Variants in WWOX observed in about 807,000 individuals in gnomAD.
WWOX encodes the protein WW domain-containing oxidoreductase.
In WWOX, 69 loss-of-function variants were observed where a neutral mutation model predicts 46.2. That is an observed-to-expected ratio of 1.49 (90% CI 1.23 to 1.82). The LOEUF (loss-of-function observed/expected upper bound fraction) is 1.82. Ranked by LOEUF, WWOX falls within the 40% of genes most tolerant of loss-of-function variation. WWOX has a pLI of 0.00. For missense variants in WWOX, 919 were observed against 542.6 expected (o/e 1.69, Z -6.89); for synonymous variants, 359 against 202.6 (o/e 1.77, Z -6.56).
chr16:79,046,586 G>C (rs1340070011), intron 8 of WWOX, among the ~76,000 whole-genome samples: 4 of 152,060 alleles, frequency 2.6e-5, no homozygotes, highest in Admixed American at 2.0e-4. Context: ...ACCGGGGAGT[G>C]TTTCTCCCAG....
intron 8 of WWOX, among the ~76,000 whole-genome samples, chr16:79,021,207 T>C (rs2047526080): frequency 6.6e-6 from 1 of 152,298 alleles, no homozygotes; most frequent in African/African-American, 2.4e-5. Context: ...CTACATGCAG[T>C]AAAATAGTTT....
At chr16:78,248,036 GGCATGA>G (rs1274955477) in intron 5 of WWOX, among the ~76,000 whole-genome samples, 3 of 152,160 alleles carry the variant, frequency 2.0e-5, no homozygotes, top group Non-Finnish European at 1.5e-5. Flanking sequence ...ATGGAGTGTT[GGCATGA>G]GCTGGGCAGA....
At chr16:79,095,324 C>T (rs540086078) in intron 8 of WWOX, among the ~76,000 whole-genome samples, 1 of 152,308 alleles carries the variant, frequency 6.6e-6, no homozygotes, top group Non-Finnish European at 1.5e-5. Context: ...AAACTGCTTT[C>T]AGGCATTTCC....
intron 8 of WWOX, among the ~76,000 whole-genome samples, chr16:78,815,943 C>T (rs563904978): frequency 4.3e-4 from 66 of 152,312 alleles, no homozygotes; most frequent in African/African-American, 1.5e-3. Context: ...CCTGCTCTCT[C>T]TCGATGTTCC....
chr16:78,361,671 G>T (rs2081412655), intron 5 of WWOX, among the ~76,000 whole-genome samples: 1 of 152,112 alleles, frequency 6.6e-6, no homozygotes, highest in African/African-American at 2.4e-5. Context: ...GAGTGTAATG[G>T]TGCGATATCG....
At chr16:78,985,715 GC>G (rs1353076943) in intron 8 of WWOX, among the ~76,000 whole-genome samples, 1 of 152,214 alleles carries the variant, frequency 6.6e-6, no homozygotes, top group African/African-American at 2.4e-5. Context: ...GTTGCAGTGA[GC>G]CAAGGTCGTG....
At chr16:78,798,092 A>G (rs2050791258) in intron 8 of WWOX, among the ~76,000 whole-genome samples, 3 of 152,196 alleles carry the variant, frequency 2.0e-5, no homozygotes, top group Admixed American at 1.3e-4. Context: ...TGAGGTTCAG[A>G]GAGATGGGGT....
chr16:78,691,032 C>G (rs546493978), intron 8 of WWOX, among the ~76,000 whole-genome samples: 2 of 152,102 alleles, frequency 1.3e-5, no homozygotes, highest in Non-Finnish European at 2.9e-5. Context: ...CAGACATACT[C>G]GATACATCTT....
chr16:78,966,704 T>G (rs1019354018), intron 8 of WWOX, among the ~76,000 whole-genome samples: 4 of 152,300 alleles, frequency 2.6e-5, no homozygotes, highest in African/African-American at 7.2e-5. Flanking sequence ...TGCACACTGT[T>G]TAAAGGAGCT....
At chr16:78,511,303 AC>A (rs1597190213) in intron 8 of WWOX, among the ~76,000 whole-genome samples, 2 of 152,322 alleles carry the variant, frequency 1.3e-5, no homozygotes. Context: ...AGCGGAGTTC[AC>A]AGGGATGCCT....
chr16:78,351,030 G>GATTT (rs2081173847), intron 5 of WWOX, among the ~76,000 whole-genome samples: 1 of 152,160 alleles, frequency 6.6e-6, no homozygotes, highest in Non-Finnish European at 1.5e-5. Context: ...ATTTTGATTT[G>GATTT]GATTTTCTTG....
intron 8 of WWOX, among the ~76,000 whole-genome samples, chr16:79,148,214 A>G (rs1488200661): frequency 6.6e-6 from 1 of 152,096 alleles, no homozygotes; most frequent in East Asian, 1.9e-4. Flanking sequence ...TGCATTTTGC[A>G]TGTATGCCCA....
intron 8 of WWOX, chr16:78,896,873 C>G (rs572619985): frequency 6.6e-6 from 1 of 151,884 alleles, no homozygotes; most frequent in Non-Finnish European, 1.5e-5. Context: ...ATACAGTTCT[C>G]TGGATTTTGA....
chr16:79,160,958 T>C (rs150381994), intron 8 of WWOX, among the ~76,000 whole-genome samples: 194 of 152,336 alleles, frequency 1.3e-3, no homozygotes, highest in African/African-American at 4.5e-3. Flanking sequence ...ATGCTATATA[T>C]AATGTAGCAC....
chr16:78,772,889 G>C lies in WWOX; in HGVS notation c.1056+340137G>C, dbSNP rs534718326. 1.2e-3 allele frequency among the ~76,000 whole-genome samples: 182 copies of C among 152,254 alleles called. 1 individual carries two copies. Among genetic ancestry groups the C allele is most frequent in the South Asian group, 2.5e-3 (12 of 4,826 alleles). On this transcript the variant is annotated intron_variant, in intron 8 of 8. Coordinates refer to ENST00000566780, the MANE Select transcript of WWOX (RefSeq NM_016373.4). Reference sequence around the variant, plus strand: ...AAAATCAAAAAAATAATGGGGTGCAGTGGTACATGGCTGTAGTCCCAATTA... The same window carrying C: ...AAAATCAAAAAAATAATGGGGTGCACTGGTACATGGCTGTAGTCCCAATTA...
At chr16:78,548,652 T>A (rs1038186506) in intron 8 of WWOX, among the ~76,000 whole-genome samples, 2 of 152,208 alleles carry the variant, frequency 1.3e-5, no homozygotes, top group African/African-American at 4.8e-5. Context: ...GCAGTATTGT[T>A]CCATCCGCCT....
At chr16:79,021,240 G>C (rs2047526632) in intron 8 of WWOX, among the ~76,000 whole-genome samples, 1 of 152,146 alleles carries the variant, frequency 6.6e-6, no homozygotes, top group Non-Finnish European at 1.5e-5. Flanking sequence ...GCCTTCATTT[G>C]TTTGACATTC....
intron 5 of WWOX, among the ~76,000 whole-genome samples, chr16:78,222,527 G>A (rs1029166760): frequency 2.0e-5 from 3 of 152,132 alleles, no homozygotes; most frequent in Non-Finnish European, 4.4e-5. Context: ...TACATATTTT[G>A]CAGCCGAGAC....
chr16:78,385,112 C>T (rs1043913233), intron 5 of WWOX, among the ~76,000 whole-genome samples: 8 of 139,390 alleles, frequency 5.7e-5, no homozygotes, highest in South Asian at 2.3e-4. Context: ...TCAGCCTGGG[C>T]GACAGAGTGA....
Sources: allele counts gnomAD v4.1 joint callset (sites outside exome capture counted in the v4.1 genomes callset), GRCh38; gene constraint gnomAD v4.1.1; transcripts MANE v1.5; gene names NCBI Gene and HGNC (gene_info 2026-07-23, HGNC 2026-07-21).